Variants in CCSER1 observed in about 807,000 individuals in gnomAD.
The protein encoded by CCSER1 is coiled-coil serine rich protein 1.
In CCSER1, 41 loss-of-function variants were observed where a neutral mutation model predicts 82.0. The observed-to-expected ratio is 0.50, with a 90% confidence interval of 0.39 to 0.65. The LOEUF (loss-of-function observed/expected upper bound fraction) is 0.65. Ranked by LOEUF, CCSER1 falls within the 30% of genes least tolerant of loss-of-function variation. CCSER1 has a pLI of 0.00. For missense variants in CCSER1, 1,119 were observed against 1,064.2 expected (o/e 1.05, Z -0.72); for synonymous variants, 414 against 383.9 (o/e 1.08, Z -0.92).
chr4:90,227,031 T>C (rs1743294962), intron 1 of CCSER1, among the ~76,000 whole-genome samples: 1 of 152,160 alleles, frequency 6.6e-6, no homozygotes, highest in African/African-American at 2.4e-5. Flanking sequence ...TCTTACCCTC[T>C]TTTTTCCCCC....
At chr4:90,276,728 A>T (rs948072325) in intron 1 of CCSER1, among the ~76,000 whole-genome samples, 37 of 152,292 alleles carry the variant, frequency 2.4e-4, no homozygotes, top group African/African-American at 7.9e-4. Context: ...AGACAGAACA[A>T]CAGAGCTGTT....
At chr4:90,647,705 C>T (rs575829964) in intron 6 of CCSER1, among the ~76,000 whole-genome samples, 3 of 152,104 alleles carry the variant, frequency 2.0e-5, no homozygotes, top group South Asian at 2.1e-4. Flanking sequence ...ATTGTAGAGT[C>T]GGGTGTAGGA....
In CCSER1 at chr4:90,374,251, C is replaced by G. The variant is rs1002249573; in HGVS notation, c.1510-25785C>G. On this transcript the variant is annotated intron_variant, in intron 3 of 10. Coordinates refer to ENST00000509176, the MANE Select transcript of CCSER1 (RefSeq NM_001145065.2). ...AAGAATTGGCAGTAAACATGTTGAT[C>G]ACATTAATGGTCAACCAAGCAATAA... 2.0e-5 allele frequency among the ~76,000 whole-genome samples: 3 copies of G among 152,280 alleles called. 1 individual carries two copies. In the Middle Eastern group the frequency reaches 0.01, roughly 518 times the overall value.
intron 9 of CCSER1, chr4:90,938,774 T>C (rs1350532301): frequency 3.4e-6 from 1 of 296,016 alleles, no homozygotes; most frequent in Non-Finnish European, 7.0e-6. Context: ...GCATCACTAA[T>C]CTGTGACATG....
At chr4:91,116,817 G>T (rs909591872) in intron 10 of CCSER1, among the ~76,000 whole-genome samples, 1 of 152,136 alleles carries the variant, frequency 6.6e-6, no homozygotes, top group Non-Finnish European at 1.5e-5. Flanking sequence ...TAGTTTTACC[G>T]AGTGGGAAGT....
intron 3 of CCSER1, among the ~76,000 whole-genome samples, chr4:90,316,253 G>C (rs1472866678): frequency 6.6e-6 from 1 of 152,174 alleles, no homozygotes; most frequent in Non-Finnish European, 1.5e-5. Context: ...AAATGGCAGA[G>C]ATAAGATTTG....
chr4:90,220,546 C>G (rs1262910267), intron 1 of CCSER1, among the ~76,000 whole-genome samples: 4 of 151,932 alleles, frequency 2.6e-5, no homozygotes, highest in African/African-American at 9.7e-5. Flanking sequence ...AAACAGAAAT[C>G]AGGTTTGATG....
chr4:90,221,603 A>G (rs1742165865), intron 1 of CCSER1, among the ~76,000 whole-genome samples: 1 of 152,184 alleles, frequency 6.6e-6, no homozygotes, highest in South Asian at 2.1e-4. Flanking sequence ...TAAAACTTTC[A>G]TCACTATTAA....
In CCSER1 at chr4:90,732,056, T is replaced by TCTCTCTCTCTCA. The variant is rs761678318; in HGVS notation, c.2010+8070_2010+8071insTCTCTCACTCTC. Reference sequence around the variant, plus strand: ...CTCTCTCTCTCTCTCTCTCTCTCTCTCTCTCACTGCTCTATTCTACTTCTG... The same window carrying TCTCTCTCTCTCA: ...CTCTCTCTCTCTCTCTCTCTCTCTCTCTCTCTCTCTCACTCTCACTGCTCTATTCTACTTCTG... On this transcript the variant is annotated intron_variant, in intron 7 of 10. Coordinates refer to ENST00000509176, the MANE Select transcript of CCSER1 (RefSeq NM_001145065.2). 4.6e-3 allele frequency among the ~76,000 whole-genome samples: 664 copies of TCTCTCTCTCTCA among 144,712 alleles called. 9 individuals are homozygous for TCTCTCTCTCTCA. Among genetic ancestry groups the TCTCTCTCTCTCA allele is most frequent in the East Asian group, 0.011 (52 of 4,816 alleles). The allele number at this position is 144,712 out of a possible 152,430, so 94.9% of individuals were successfully genotyped here. A position where few individuals can be genotyped will look rare whatever the true frequency, so the allele number is the denominator to read the frequency against.
At chr4:91,585,683 C>T (rs1179109830) in intron 10 of CCSER1, among the ~76,000 whole-genome samples, 2 of 151,290 alleles carry the variant, frequency 1.3e-5, no homozygotes, top group Non-Finnish European at 3.0e-5. Context: ...GAAGAACATT[C>T]CAGATAGAGG....
intron 9 of CCSER1, among the ~76,000 whole-genome samples, chr4:91,062,681 A>C (rs1744061131): frequency 6.6e-6 from 1 of 152,094 alleles, no homozygotes; most frequent in African/African-American, 2.4e-5. Flanking sequence ...ATTTATGTAA[A>C]GCTCTTTTCT....
At chr4:91,411,089 A>G (rs183549700) in intron 10 of CCSER1, among the ~76,000 whole-genome samples, 216 of 152,130 alleles carry the variant, frequency 1.4e-3, no homozygotes, top group Non-Finnish European at 2.3e-3. Flanking sequence ...TTCCTATAAT[A>G]TAGATTTTAG....
At chr4:90,180,482 G>A (rs145769319) in intron 1 of CCSER1, among the ~76,000 whole-genome samples, 8 of 151,936 alleles carry the variant, frequency 5.3e-5, no homozygotes, top group African/African-American at 7.2e-5. Context: ...CCAGCTACTC[G>A]GGAGGCTGAG....
chr4:90,641,818 T>G (rs6838994), intron 6 of CCSER1: 2,845 of 198,256 alleles, frequency 0.014, 37 homozygotes, highest in Middle Eastern at 0.032. Flanking sequence ...ACCCACAGTT[T>G]TAACAATAAT....
At chr4:91,175,335 T>G (rs1225105062) in intron 10 of CCSER1, among the ~76,000 whole-genome samples, 2 of 152,120 alleles carry the variant, frequency 1.3e-5, no homozygotes. Context: ...TGGGTGTATA[T>G]CCAGTAATGG....
At chr4:91,419,267 C>T (rs1004498440) in intron 10 of CCSER1, among the ~76,000 whole-genome samples, 1 of 151,896 alleles carries the variant, frequency 6.6e-6, no homozygotes, top group Non-Finnish European at 1.5e-5. Flanking sequence ...AGAAGGCATT[C>T]AAATTGGAAA....
intron 5 of CCSER1, among the ~76,000 whole-genome samples, chr4:90,526,246 A>G (rs112900673): frequency 1.3e-5 from 2 of 152,264 alleles, no homozygotes; most frequent in African/African-American, 4.8e-5. Context: ...TGCCAAAAAT[A>G]TTGACCACCT....
At chr4:90,725,419 G>T (rs1237980182) in intron 7 of CCSER1, among the ~76,000 whole-genome samples, 1 of 151,412 alleles carries the variant, frequency 6.6e-6, no homozygotes, top group African/African-American at 2.4e-5. Flanking sequence ...AATGTAAATG[G>T]TTCTATAAGA....
chr4:90,734,207 G>A (rs1198345041), intron 7 of CCSER1, among the ~76,000 whole-genome samples: 1 of 151,830 alleles, frequency 6.6e-6, no homozygotes, highest in Non-Finnish European at 1.5e-5. Context: ...GTCACTGCAA[G>A]CTCTGCCTCC....
Sources: gnomAD v4.1 joint callset for allele counts (sites outside exome capture counted in the v4.1 genomes callset) on GRCh38, gnomAD v4.1.1 for gene constraint, MANE v1.5 for transcripts, NCBI Gene and HGNC (gene_info 2026-07-23, HGNC 2026-07-21) for gene names.